C1orf141: variants seen among roughly 807,000 people sequenced by gnomAD.
C1orf141 encodes the protein uncharacterized protein C1orf141.
A neutral mutation model predicts 23.2 loss-of-function variants in C1orf141; 19 were observed. The ratio of observed to expected loss-of-function variants is 0.82; its 90% CI spans 0.57 to 1.20. The LOEUF (loss-of-function observed/expected upper bound fraction) is 1.20, where lower values mean the gene tolerates loss of function less well. Ranked by LOEUF, C1orf141 falls within the 50% of genes most tolerant of loss-of-function variation. The pLI, the probability that C1orf141 is intolerant of heterozygous loss-of-function variation, is 0.00. For missense variants in C1orf141, 469 were observed against 455.1 expected (o/e 1.03, Z -0.28); for synonymous variants, 153 against 154.6 (o/e 0.99, Z 0.08).
chr1:67,109,911 T>C (rs1203165618), intron 5 of C1orf141, among the ~76,000 whole-genome samples: 2 of 152,180 alleles, frequency 1.3e-5, no homozygotes, highest in African/African-American at 2.4e-5. Context: ...ATGGCATTTT[T>C]TTAGTAATAG....
At position 67,132,170 on chromosome 1, in the gene C1orf141, CCT is replaced by C. The variant is rs375420494; in HGVS notation, c.-103-945_-103-944del. Among the ~76,000 whole-genome samples the C allele has an allele frequency of 4.6e-4, 69 of 151,158 alleles. No homozygotes were observed. In the East Asian group the frequency reaches 8.4e-3, roughly 18 times the overall value. The stretch of plus-strand genomic sequence containing the variant: ...CTCCTGGCCTCAAGCAATCCTCCAG[CCT>C]CTCAGCCTCCTGAGTAGCTGGGATT... On this transcript the variant is annotated intron_variant, in intron 1 of 7. Coordinates refer to ENST00000684719, the MANE Select transcript of C1orf141 (RefSeq NM_001276351.2).
At chr1:67,124,782 T>C (rs1375173473) in intron 4 of C1orf141, among the ~76,000 whole-genome samples, 1 of 152,212 alleles carries the variant, frequency 6.6e-6, no homozygotes, top group Non-Finnish European at 1.5e-5. Flanking sequence ...TCATCATTAC[T>C]ATACCCTATT....
intron 1 of C1orf141, among the ~76,000 whole-genome samples, chr1:67,133,882 T>C (rs973012909): frequency 7.9e-5 from 12 of 152,254 alleles, no homozygotes; most frequent in Non-Finnish European, 1.3e-4. Context: ...TTAGCCACTC[T>C]GTCTATGATG....
intron 5 of C1orf141, among the ~76,000 whole-genome samples, chr1:67,105,360 A>G (rs1170644773): frequency 1.3e-5 from 2 of 151,536 alleles, no homozygotes; most frequent in Non-Finnish European, 2.9e-5. Context: ...ATTTAAACAT[A>G]ATTTAAAAAA....
At chr1:67,113,819 G>A (rs2102462865) in intron 5 of C1orf141, 1 of 617,886 alleles carries the variant, frequency 1.6e-6, no homozygotes, top group South Asian at 1.5e-5. Flanking sequence ...AAGGCCAGGT[G>A]ATTAGTAACA....
chr1:67,096,344 TA>T, intron 5 of C1orf141, 23 bp from the exon 6 acceptor site: 2 of 1,195,850 alleles, frequency 1.7e-6, no homozygotes, highest in South Asian at 1.3e-5. Flanking sequence ...AAGATTTTCA[TA>T]AAAGACACAT....
chr1:67,109,390 G>A (rs1334940078), intron 5 of C1orf141, among the ~76,000 whole-genome samples: 1 of 148,416 alleles, frequency 6.7e-6, no homozygotes, highest in South Asian at 2.1e-4. Flanking sequence ...AGAATCTGAG[G>A]AACTGAGCAA....
chr1:67,131,756 T>G (rs978455760), intron 1 of C1orf141, among the ~76,000 whole-genome samples: 1 of 151,982 alleles, frequency 6.6e-6, no homozygotes, highest in Non-Finnish European at 1.5e-5. Context: ...AGCCTACTCT[T>G]TATGAAATAT....
intron 4 of C1orf141, among the ~76,000 whole-genome samples, chr1:67,117,304 T>A (rs1422067564): frequency 6.6e-6 from 1 of 152,116 alleles, no homozygotes; most frequent in East Asian, 1.9e-4. Context: ...GTGCCTCTAG[T>A]CCCAGCTACT....
chr1:67,108,990 A>G (rs962280392), intron 5 of C1orf141, among the ~76,000 whole-genome samples: 2 of 152,148 alleles, frequency 1.3e-5, no homozygotes, highest in Non-Finnish European at 2.9e-5. Context: ...GTGGGAATGT[A>G]AACTAGTATA....
intron 4 of C1orf141, among the ~76,000 whole-genome samples, chr1:67,125,367 T>C (rs1646385200): frequency 6.6e-6 from 1 of 152,290 alleles, no homozygotes; most frequent in African/African-American, 2.4e-5. Context: ...TTAATATACA[T>C]TGCATAATCT....
chr1:67,095,171 G>T, intron 7 of C1orf141, 64 bp downstream of exon 7: 1 of 946,926 alleles, frequency 1.1e-6, no homozygotes, highest in Non-Finnish European at 1.6e-6. Context: ...TAAAATATAT[G>T]GGTGATTCCC....
At position 67,101,653 on chromosome 1, in the gene C1orf141, G is replaced by A. The variant is rs143836928; in HGVS notation, c.347-5332C>T. On this transcript the variant is annotated intron_variant, in intron 5 of 7. Transcript: ENST00000684719. The stretch of plus-strand genomic sequence containing the variant: ...TGAGGCAGATTTTCTTTGAGTTAGG[G>A]ATAAAATGTCCCACTTTCAATTTAA... 1.2e-4 allele frequency among the ~76,000 whole-genome samples: 18 copies of A among 152,072 alleles called. No homozygotes were observed. In the East Asian group the frequency reaches 3.1e-3, roughly 26 times the overall value.
At chr1:67,100,106 C>CTT (rs2102423493) in intron 5 of C1orf141, among the ~76,000 whole-genome samples, 1 of 152,164 alleles carries the variant, frequency 6.6e-6, no homozygotes, top group Admixed American at 6.5e-5. Context: ...TAAATATATG[C>CTT]ACTCATGTAA....
intron 4 of C1orf141, among the ~76,000 whole-genome samples, chr1:67,120,725 C>T (rs1018369617): frequency 1.3e-5 from 2 of 152,146 alleles, no homozygotes; most frequent in African/African-American, 4.8e-5. Flanking sequence ...TCTTGGACTT[C>T]CTAGCCTTTA....
At chr1:67,126,743 T>C (rs192159789) in intron 3 of C1orf141, among the ~76,000 whole-genome samples, 20 of 152,306 alleles carry the variant, frequency 1.3e-4, no homozygotes, top group African/African-American at 4.3e-4. Flanking sequence ...GAGAAACCCA[T>C]TGGATTGGGG....
At chr1:67,107,563 G>A in intron 5 of C1orf141, among the ~76,000 whole-genome samples, 1 of 152,204 alleles carries the variant, frequency 6.6e-6, no homozygotes, top group Non-Finnish European at 1.5e-5. Flanking sequence ...GGATGCATAA[G>A]AAGGCTGCAG....
intron 5 of C1orf141, among the ~76,000 whole-genome samples, chr1:67,103,700 G>C (rs1008700309): frequency 6.6e-6 from 1 of 151,910 alleles, no homozygotes; most frequent in African/African-American, 2.4e-5. Flanking sequence ...TCTAAGTTCA[G>C]GGGAAGTCTA....
At chr1:67,130,734 G>A (rs903412179) in intron 2 of C1orf141, among the ~76,000 whole-genome samples, 1 of 152,132 alleles carries the variant, frequency 6.6e-6, no homozygotes. Flanking sequence ...ATTTTCAAGG[G>A]TCAACAACAG....
Sources: gnomAD v4.1 joint callset for allele counts (sites outside exome capture counted in the v4.1 genomes callset) on GRCh38, gnomAD v4.1.1 for gene constraint, MANE v1.5 for transcripts, NCBI Gene and HGNC (gene_info 2026-07-23, HGNC 2026-07-21) for gene names.